Variants in STAG1 observed in about 807,000 individuals in gnomAD.
The protein encoded by STAG1 is STAG1 cohesin complex component, also known as cohesin subunit SA-1.
In STAG1, 26 loss-of-function variants were observed where a neutral mutation model predicts 170.9. The ratio of observed to expected loss-of-function variants is 0.15; its 90% CI spans 0.11 to 0.21. The LOEUF is 0.21. STAG1 is among the 10% of genes least tolerant of loss of function. STAG1 has a pLI of 1.00. For synonymous variants in STAG1, 514 were observed against 497.7 expected, an observed-to-expected ratio of 1.03 and a Z score of -0.44; for missense variants, 964 against 1,509.5, an observed-to-expected ratio of 0.64 and a Z score of 5.99.
intron 5 of STAG1, among the ~76,000 whole-genome samples, chr3:136,553,527 G>C (rs1936489730): frequency 1.3e-5 from 2 of 152,200 alleles, no homozygotes; most frequent in Admixed American, 6.5e-5. Flanking sequence ...TGTAATCCCA[G>C]CACTTTGGGA....
At chr3:136,437,791 TG>T (rs1419423425) in intron 15 of STAG1, among the ~76,000 whole-genome samples, 18 of 152,212 alleles carry the variant, frequency 1.2e-4, no homozygotes, top group Non-Finnish European at 1.6e-4. Context: ...CATTCTTTCT[TG>T]CTCTTCCTGC....
At chr3:136,375,969 A>AAAATAAAT (rs3072456) in intron 23 of STAG1, among the ~76,000 whole-genome samples, 8,007 of 124,598 alleles carry the variant, frequency 0.064, 373 homozygotes, top group African/African-American at 0.097. Context: ...ACTCCGTCTC[A>AAAATAAAT]AAATAAATAA....
intron 1 of STAG1, among the ~76,000 whole-genome samples, chr3:136,734,124 C>CAAAACA (rs1934203427): frequency 1.4e-5 from 2 of 143,106 alleles, no homozygotes; most frequent in Non-Finnish European, 3.1e-5. Context: ...AAAAAAAAAA[C>CAAAACA]AAAACAAAAC....
At chr3:136,516,943 A>C (rs1344658725) in intron 7 of STAG1, among the ~76,000 whole-genome samples, 1 of 152,242 alleles carries the variant, frequency 6.6e-6, no homozygotes. Context: ...ACATGATTTC[A>C]GCAACTGAAG....
intron 5 of STAG1, among the ~76,000 whole-genome samples, chr3:136,565,261 C>T (rs1463766696): frequency 3.3e-5 from 5 of 151,906 alleles, no homozygotes; most frequent in East Asian, 1.9e-4. Context: ...ACCTAGAGAG[C>T]GGACAAAAAT....
chr3:136,612,236 T>G (rs1259027109), intron 3 of STAG1, among the ~76,000 whole-genome samples: 1 of 152,150 alleles, frequency 6.6e-6, no homozygotes, highest in African/African-American at 2.4e-5. Flanking sequence ...TCTATTAGGG[T>G]TGCTCAACCG....
chr3:136,358,033 G>A (rs1413163439), intron 27 of STAG1, among the ~76,000 whole-genome samples, 185 bp from the exon 28 acceptor site: 3 of 151,232 alleles, frequency 2.0e-5, no homozygotes, highest in Admixed American at 1.3e-4. Flanking sequence ...GTATGAAACT[G>A]TAAGTTGGGG....
intron 22 of STAG1, among the ~76,000 whole-genome samples, chr3:136,391,850 C>G (rs968298894): frequency 1.3e-5 from 2 of 152,170 alleles, no homozygotes; most frequent in Admixed American, 1.3e-4. Flanking sequence ...GTAAGACTGC[C>G]CCAGAGCTTC....
At chr3:136,552,556 T>C (rs1170838611) in intron 5 of STAG1, among the ~76,000 whole-genome samples, 1 of 152,196 alleles carries the variant, frequency 6.6e-6, no homozygotes, top group Non-Finnish European at 1.5e-5. Flanking sequence ...AATCACTTTT[T>C]CTATGATGAC....
chr3:136,469,639 A>C (rs1465302666), intron 12 of STAG1, among the ~76,000 whole-genome samples: 1 of 152,218 alleles, frequency 6.6e-6, no homozygotes, highest in African/African-American at 2.4e-5. Context: ...AACTACATTA[A>C]AGTTCATATG....
At chr3:136,623,038 T>A (rs575086909) in intron 3 of STAG1, 108 bp downstream of exon 3, 28 of 915,514 alleles carry the variant, frequency 3.1e-5, no homozygotes, top group Non-Finnish European at 4.6e-5. Context: ...ATTGTGTCAC[T>A]GAATTTTTTT....
intron 1 of STAG1, among the ~76,000 whole-genome samples, chr3:136,703,990 T>C (rs1943152622): frequency 6.6e-6 from 1 of 150,962 alleles, no homozygotes; most frequent in African/African-American, 2.4e-5. Flanking sequence ...CCAGGCTGGG[T>C]GACAGAGCAA....
At chr3:136,613,478 C>G (rs1260379434) in intron 3 of STAG1, among the ~76,000 whole-genome samples, 3 of 151,956 alleles carry the variant, frequency 2.0e-5, no homozygotes, top group South Asian at 4.1e-4. Context: ...TGATTTGAAG[C>G]CTTTAAATAG....
At chr3:136,525,356 C>T (rs1392822081) in intron 6 of STAG1, among the ~76,000 whole-genome samples, 1 of 152,142 alleles carries the variant, frequency 6.6e-6, no homozygotes, top group Non-Finnish European at 1.5e-5. Flanking sequence ...TTATCCATTT[C>T]TTCTAGATTT....
At chr3:136,452,818 C>T (rs559436003) in intron 13 of STAG1, among the ~76,000 whole-genome samples, 1 of 152,172 alleles carries the variant, frequency 6.6e-6, no homozygotes, top group African/African-American at 2.4e-5. Flanking sequence ...GAGACAGAGT[C>T]TCGCTCTGTC....
Position 136,637,463 on chromosome 3 carries a change from T to C in STAG1, c.-83-6482A>G, listed in dbSNP as rs563186277. Among the ~76,000 whole-genome samples the C allele has an allele frequency of 2.0e-5, 3 of 152,360 alleles. No individual in the cohort carries two copies. The South Asian group carries it at 6.2e-4, about 32-fold the overall frequency. On this transcript the variant is annotated intron_variant, in intron 1 of 33. Transcript: ENST00000383202. The stretch of plus-strand genomic sequence containing the variant: ...TCAATGGGATAGCGATGAGGTTCAC[T>C]GGCAACAGCAGGTTAGATCATTATT...
intron 1 of STAG1, among the ~76,000 whole-genome samples, chr3:136,706,305 T>G (rs1943227276): frequency 6.6e-6 from 1 of 152,142 alleles, no homozygotes; most frequent in Non-Finnish European, 1.5e-5. Context: ...CTATCTCTAG[T>G]CGCACATGAC....
intron 2 of STAG1, among the ~76,000 whole-genome samples, chr3:136,628,536 A>T (rs963978680): frequency 2.0e-5 from 3 of 152,110 alleles, no homozygotes; most frequent in African/African-American, 7.2e-5. Flanking sequence ...ACATAATCTC[A>T]GTCTGGGCCT....
In STAG1 at chr3:136,477,258, T is replaced by C. The variant is rs1330419555; in HGVS notation, c.1026+31A>G. 5 of 1,568,500 alleles carry C rather than the reference T, an allele frequency of 3.2e-6. No individual in the cohort carries two copies. The Admixed American group carries it at 7.5e-5, about 24-fold the overall frequency. On this transcript the variant is annotated intron_variant, in intron 10 of 33. Transcript: ENST00000383202. ...ATTTTAGTACTGAGACAAACATAAC[T>C]TCCATCAAAGCTTAGAACAGAGTAA...
Sources: gnomAD v4.1 joint callset for allele counts (sites outside exome capture counted in the v4.1 genomes callset) on GRCh38, gnomAD v4.1.1 for gene constraint, MANE v1.5 for transcripts, NCBI Gene and HGNC (gene_info 2026-07-23, HGNC 2026-07-21) for gene names.